The following LATS1 variants were observed in gnomAD, a reference collection of about 807,000 sequenced individuals.
The protein encoded by LATS1 is large tumor suppressor kinase 1, also known as serine/threonine-protein kinase LATS1.
In LATS1, 25 loss-of-function variants were observed where a neutral mutation model predicts 106.6. That is an observed-to-expected ratio of 0.23 (90% confidence interval 0.17 to 0.33). The LOEUF (loss-of-function observed/expected upper bound fraction) is 0.33. Ranked by LOEUF, LATS1 falls within the 10% of genes least tolerant of loss-of-function variation. LATS1 has a pLI of 1.00. For missense variants in LATS1, 1,040 were observed against 1,382.6 expected, an observed-to-expected ratio of 0.75 and a Z score of 3.93; for synonymous variants, 465 against 455.6, an observed-to-expected ratio of 1.02 and a Z score of -0.26.
chr6:149,683,620 G>A lies in LATS1; in HGVS notation c.1469C>T (p.Thr490Ile), dbSNP rs995225806. The change falls in exon 4 of 8, where the codon ACA becomes ATA. Residue 490 changes from threonine (T) to isoleucine (I), a missense_variant. Transcript: ENST00000543571. ...CACAGGCTGTTGAATAGGAGCTGGT[G>A]TAATTGCAGTGACTGTTGTAGCAGA... Reference protein sequence around the residue: ...QPSATTVTAITPAPIQQPVKS... With the variant: ...QPSATTVTAIIPAPIQQPVKS... The A allele has an allele frequency of 6.2e-7, 1 of 1,614,246 alleles. No homozygotes were observed. Among genetic ancestry groups the A allele is most frequent in the Non-Finnish European group, 8.5e-7 (1 of 1,180,040 alleles).
At chr6:149,713,635 C>G (rs1013931152) in intron 1 of LATS1, among the ~76,000 whole-genome samples, 5 of 151,794 alleles carry the variant, frequency 3.3e-5, no homozygotes, top group African/African-American at 1.2e-4. Flanking sequence ...ATATGATGCT[C>G]AAAATGTTTT....
chr6:149,667,960 G>A (rs546232511), intron 7 of LATS1, among the ~76,000 whole-genome samples: 40 of 152,298 alleles, frequency 2.6e-4, no homozygotes, highest in Admixed American at 1.2e-3. Context: ...TCGGGCTGTC[G>A]CCCCGGCTGG....
intron 1 of LATS1, 93 bp downstream of exon 1, chr6:149,717,756 T>C (rs911916162): frequency 3.2e-4 from 84 of 265,028 alleles, no homozygotes; most frequent in Admixed American, 5.6e-4. Flanking sequence ...CTCTGGACCC[T>C]CGCCAGCGGG....
rs1344332439 is a variant in LATS1 at position 149,670,183 on chromosome 6, AAAAAAAAAAAGAAAAGAAAAGAAAAG to A, written c.2883+6051_2883+6076del. Among the ~76,000 whole-genome samples, 18 of 146,920 alleles carry A rather than the reference AAAAAAAAAAAGAAAAGAAAAGAAAAG, an allele frequency of 1.2e-4. 1 individual carries two copies. Among genetic ancestry groups the A allele is most frequent in the African/African-American group, 4.3e-4 (17 of 39,182 alleles). ...TGAAATTGCATCTCAAAAAAAAAAA[AAAAAAAAAAAGAAAAGAAAAGAAAAG>A]AAAAGAAAAGAAAACTTAATATATA... is the stretch of plus-strand genomic sequence containing the variant. On this transcript the variant is annotated intron_variant, in intron 7 of 7. Transcript: ENST00000543571.
At position 149,659,536 on chromosome 6, in the gene LATS1, G is replaced by A. The variant is rs1780814623; in HGVS notation, c.*2193C>T. ...GCAATAGGGGGAATACAGATTTTGT[G>A]GGAAGGGAAGGGGGAGGAGACAGCA... On this transcript the variant is annotated 3_prime_UTR_variant, in exon 8 of 8. Coordinates refer to ENST00000543571, the MANE Select transcript of LATS1 (RefSeq NM_004690.4). The A allele has an allele frequency of 4.3e-6, 1 of 230,242 alleles. No individual in the cohort carries two copies. 14.3% of individuals were successfully genotyped at this position (230,242 alleles called of 1,614,324 possible). A position where few individuals can be genotyped will look rare whatever the true frequency, so the allele number is the denominator to read the frequency against.
intron 4 of LATS1, among the ~76,000 whole-genome samples, chr6:149,682,004 G>C (rs1467674191): frequency 1.3e-5 from 2 of 151,878 alleles, no homozygotes; most frequent in African/African-American, 2.4e-5. Context: ...CCCAGCTAGT[G>C]GGGAGGCTGA....
chr6:149,708,441 T>C (rs1196303978), intron 1 of LATS1, among the ~76,000 whole-genome samples: 1 of 151,758 alleles, frequency 6.6e-6, no homozygotes, highest in Non-Finnish European at 1.5e-5. Context: ...AAAATTTCAA[T>C]TGTAAGATAA....
chr6:149,710,603 T>G (rs1057265943), intron 1 of LATS1, among the ~76,000 whole-genome samples: 1 of 152,224 alleles, frequency 6.6e-6, no homozygotes, highest in Admixed American at 6.5e-5. Context: ...CCTGCCTTAG[T>G]GATACTGCCT....
intron 2 of LATS1, among the ~76,000 whole-genome samples, chr6:149,698,123 C>T (rs779788079): frequency 2.6e-5 from 4 of 152,046 alleles, no homozygotes; most frequent in Non-Finnish European, 4.4e-5. Flanking sequence ...ATATTTATTG[C>T]TATGTTTTAC....
intron 1 of LATS1, among the ~76,000 whole-genome samples, chr6:149,707,535 T>C (rs1438091830): frequency 6.6e-6 from 1 of 152,114 alleles, no homozygotes; most frequent in East Asian, 1.9e-4. Flanking sequence ...TAGTATACAT[T>C]AGAAAACGCT....
chr6:149,661,640 A>T lies in LATS1; in HGVS notation c.*89T>A. On this transcript the variant is annotated 3_prime_UTR_variant, in exon 8 of 8. Coordinates refer to ENST00000543571, the MANE Select transcript of LATS1 (RefSeq NM_004690.4). ...CAGAGCACACATATATAGCTCTGTC[A>T]TATTTGCATAATTTTACTCTCAGAA... 9.2e-7 allele frequency: 1 copy of T among 1,084,130 alleles called. No individual in the cohort carries two copies. Among genetic ancestry groups the T allele is most frequent in the Non-Finnish European group, 1.3e-6 (1 of 756,172 alleles). 67.2% of individuals were successfully genotyped at this position (1,084,130 alleles called of 1,614,324 possible). A position where few individuals can be genotyped will look rare whatever the true frequency, so the allele number is the denominator to read the frequency against.
chr6:149,670,189 A>AAAAAG (rs1164555654), intron 7 of LATS1, among the ~76,000 whole-genome samples: 124 of 102,460 alleles, frequency 1.2e-3, no homozygotes, highest in Admixed American at 2.8e-3. Context: ...AAAAAAAAAA[A>AAAAAG]AAAAGAAAAG....
chr6:149,692,980 A>G (rs543544962), intron 3 of LATS1, among the ~76,000 whole-genome samples: 3 of 151,908 alleles, frequency 2.0e-5, no homozygotes, highest in African/African-American at 7.2e-5. Flanking sequence ...GGACACAAAG[A>G]CAGGCCAGGT....
chr6:149,659,507 T>C lies in LATS1; in HGVS notation c.*2222A>G. ...ACAAAATTTGTAGTGTCTGTTACAT[T>C]TCAGCAATAGGGGGAATACAGATTT... On this transcript the variant is annotated 3_prime_UTR_variant, in exon 8 of 8. Coordinates refer to ENST00000543571, the MANE Select transcript of LATS1 (RefSeq NM_004690.4). 4.4e-6 allele frequency: 1 copy of C among 229,082 alleles called. No individual in the cohort carries two copies. The highest frequency in any genetic ancestry group is 6.2e-5 in the East Asian group (1 of 16,110). 14.2% of individuals were successfully genotyped at this position (229,082 alleles called of 1,614,324 possible). A position where few individuals can be genotyped will look rare whatever the true frequency, so the allele number is the denominator to read the frequency against.
Position 149,660,741 on chromosome 6 carries a change from C to T in LATS1, c.*988G>A, listed in dbSNP as rs964013250. ...GCCATCTTAAGAGTTAATTTTTTCA[C>T]CAATTAATCTGCGCTTAGGTAAAAT... On this transcript the variant is annotated 3_prime_UTR_variant, in exon 8 of 8. Transcript: ENST00000543571. 8.8e-6 allele frequency: 2 copies of T among 227,610 alleles called. No individual in the cohort carries two copies. The highest frequency in any genetic ancestry group is 1.3e-3 in the Middle Eastern group (1 of 750). 14.1% of individuals were successfully genotyped at this position (227,610 alleles called of 1,614,324 possible). A position where few individuals can be genotyped will look rare whatever the true frequency, so the allele number is the denominator to read the frequency against.
At chr6:149,697,281 GAA>G in intron 2 of LATS1, 1 of 577,308 alleles carries the variant, frequency 1.7e-6, no homozygotes, top group Non-Finnish European at 2.9e-6. Context: ...CCCTTTCTTA[GAA>G]AAAGTTACTG....
Position 149,660,679 on chromosome 6 carries a change from A to C in LATS1, c.*1050T>G, listed in dbSNP as rs2114672999. The stretch of plus-strand genomic sequence containing the variant: ...TAAATTAGGAGGACTTGAATTTTCT[A>C]CTAAGACCACTCTGTAAACTTTCCT... On this transcript the variant is annotated 3_prime_UTR_variant, in exon 8 of 8. Transcript: ENST00000543571. 1 of 230,568 alleles carries C rather than the reference A, an allele frequency of 4.3e-6. No homozygotes were observed. Among genetic ancestry groups the C allele is most frequent in the East Asian group, 6.2e-5 (1 of 16,058 alleles). The allele number at this position is 230,568 out of a possible 1,614,324, so 14.3% of individuals were successfully genotyped here. A position where few individuals can be genotyped will look rare whatever the true frequency, so the allele number is the denominator to read the frequency against.
chr6:149,667,994 C>T (rs1207424432), intron 7 of LATS1, among the ~76,000 whole-genome samples: 1 of 152,154 alleles, frequency 6.6e-6, no homozygotes, highest in Non-Finnish European at 1.5e-5. Context: ...CATCTTGTCT[C>T]CCTACAACCT....
rs1486679933 is a variant in LATS1, at chr6:149,661,292, G to A, written c.*437C>T. On this transcript the variant is annotated 3_prime_UTR_variant, in exon 8 of 8. Coordinates refer to ENST00000543571, the MANE Select transcript of LATS1 (RefSeq NM_004690.4). ...TTTCTACCAAAAACAAGGTTATGAGGGGAAAAAAGAGCTCTGTAAAATAGG... is the reference window on the plus strand; with the variant it reads ...TTTCTACCAAAAACAAGGTTATGAGAGGAAAAAAGAGCTCTGTAAAATAGG... The A allele has an allele frequency of 4.3e-6, 1 of 232,960 alleles. No homozygotes were observed. Among genetic ancestry groups the A allele is most frequent in the East Asian group, 6.1e-5 (1 of 16,388 alleles). The allele number at this position is 232,960 out of a possible 1,614,324, so 14.4% of individuals were successfully genotyped here.
Sources: gnomAD v4.1 joint callset for allele counts (sites outside exome capture counted in the v4.1 genomes callset) on GRCh38, gnomAD v4.1.1 for gene constraint, MANE v1.5 for transcripts, NCBI Gene and HGNC (gene_info 2026-07-23, HGNC 2026-07-21) for gene names.